The following MARCHF1 variants were observed in gnomAD, a reference collection of about 807,000 sequenced individuals.
MARCHF1 encodes E3 ubiquitin-protein ligase MARCHF1.
In MARCHF1, 40 loss-of-function variants were observed where a neutral mutation model predicts 54.2. That is an observed-to-expected ratio of 0.74 (90% confidence interval 0.57 to 0.96). MARCHF1 has a LOEUF of 0.96. Ranked by LOEUF, MARCHF1 falls within the 40% of genes least tolerant of loss-of-function variation. The pLI, the probability that MARCHF1 is intolerant of heterozygous loss-of-function variation, is 0.00. For synonymous variants in MARCHF1, 236 were observed against 236.3 expected (o/e 1.00, Z 0.01); for missense variants, 586 against 656.5 (o/e 0.89, Z 1.17).
intron 4 of MARCHF1, among the ~76,000 whole-genome samples, chr4:163,742,620 G>A (rs1271249022): frequency 6.6e-6 from 1 of 151,184 alleles, no homozygotes; most frequent in Non-Finnish European, 1.5e-5. Context: ...TGGACCACAG[G>A]TGCACACCAC....
chr4:163,549,274 G>T (rs1739018572), intron 8 of MARCHF1, among the ~76,000 whole-genome samples: 1 of 152,024 alleles, frequency 6.6e-6, no homozygotes. Context: ...CCTTGTCAGT[G>T]ATGAAGTAAA....
chr4:163,974,539 A>T (rs530539317), intron 3 of MARCHF1, among the ~76,000 whole-genome samples: 1 of 152,338 alleles, frequency 6.6e-6, no homozygotes, highest in South Asian at 2.1e-4. Flanking sequence ...TGGAATAGTG[A>T]AAAACCATAC....
chr4:164,307,536 C>T (rs576433017), intron 1 of MARCHF1, among the ~76,000 whole-genome samples: 1 of 152,330 alleles, frequency 6.6e-6, no homozygotes, highest in African/African-American at 2.4e-5. Flanking sequence ...CAGCTTACCT[C>T]TCACACCCCA....
chr4:163,592,073 G>T (rs1027350148), intron 7 of MARCHF1, among the ~76,000 whole-genome samples: 2 of 152,040 alleles, frequency 1.3e-5, no homozygotes, highest in Non-Finnish European at 2.9e-5. Flanking sequence ...TAACAGAAAC[G>T]AAGATAAATA....
At chr4:163,627,971 A>G (rs75350836) in intron 5 of MARCHF1, among the ~76,000 whole-genome samples, 3,652 of 152,240 alleles carry the variant, frequency 0.024, 134 homozygotes, top group African/African-American at 0.082. Flanking sequence ...AGCTAAAACT[A>G]AAAAACTCCT....
At chr4:164,199,632 TCACACACACACACACACACA>T (rs376565727) in intron 1 of MARCHF1, among the ~76,000 whole-genome samples, 17 of 114,850 alleles carry the variant, frequency 1.5e-4, no homozygotes, top group African/African-American at 4.1e-4. Context: ...CAGGACTCTG[TCACACACACACACACACACA>T]CACACACACA....
At chr4:163,722,335 C>T (rs545162555) in intron 4 of MARCHF1, among the ~76,000 whole-genome samples, 15 of 152,142 alleles carry the variant, frequency 9.9e-5, no homozygotes, top group African/African-American at 2.4e-4. Flanking sequence ...TGTAGTTGAG[C>T]GGTTTTGAGT....
intron 2 of MARCHF1, among the ~76,000 whole-genome samples, chr4:163,992,835 G>T (rs1020497626): frequency 1.3e-5 from 2 of 150,352 alleles, no homozygotes; most frequent in Non-Finnish European, 3.0e-5. Context: ...ACAAGACAGA[G>T]AAGTAATAAA....
chr4:163,935,840 C>A (rs1207251949), intron 3 of MARCHF1, among the ~76,000 whole-genome samples: 5 of 151,232 alleles, frequency 3.3e-5, no homozygotes, highest in Non-Finnish European at 7.4e-5. Flanking sequence ...TGGAGTAGAA[C>A]TTTAATTTCC....
At chr4:164,301,183 G>C (rs1285914555) in intron 1 of MARCHF1, among the ~76,000 whole-genome samples, 5 of 152,100 alleles carry the variant, frequency 3.3e-5, no homozygotes, top group African/African-American at 1.2e-4. Context: ...CCATGACTAT[G>C]TGAAAAAATT....
intron 2 of MARCHF1, among the ~76,000 whole-genome samples, chr4:164,073,524 A>G (rs953410774): frequency 1.3e-5 from 2 of 152,134 alleles, no homozygotes; most frequent in Non-Finnish European, 2.9e-5. Context: ...GAGGGATAGC[A>G]TTAAGAGAAA....
intron 4 of MARCHF1, among the ~76,000 whole-genome samples, chr4:163,847,377 T>C (rs1234963878): frequency 6.6e-6 from 1 of 152,076 alleles, no homozygotes; most frequent in East Asian, 1.9e-4. Context: ...AGCTGAAAAT[T>C]TGACTTGCAA....
intron 1 of MARCHF1, among the ~76,000 whole-genome samples, chr4:164,199,663 CACACACACACACACACACAGAGAGAG>C (rs773345535): frequency 1.3e-3 from 110 of 85,052 alleles, no homozygotes; most frequent in Middle Eastern, 9.1e-3. Context: ...CACACACACA[CACACACACACACACACACAGAGAGAG>C]AGAGAGAGAG....
chr4:163,954,083 C>T (rs1005863298), intron 3 of MARCHF1, among the ~76,000 whole-genome samples: 6 of 152,012 alleles, frequency 3.9e-5, no homozygotes, highest in Non-Finnish European at 8.8e-5. Context: ...ACAGTAAGCT[C>T]AGAATAGACA....
At chr4:163,715,595 T>G (rs1745232240) in intron 4 of MARCHF1, among the ~76,000 whole-genome samples, 1 of 152,204 alleles carries the variant, frequency 6.6e-6, no homozygotes, top group Non-Finnish European at 1.5e-5. Flanking sequence ...ACCACCCAGA[T>G]GCAAAAATCT....
At chr4:164,253,132 A>T (rs1209094821) in intron 1 of MARCHF1, among the ~76,000 whole-genome samples, 1 of 152,208 alleles carries the variant, frequency 6.6e-6, no homozygotes, top group African/African-American at 2.4e-5. Flanking sequence ...AATAGAAATG[A>T]TAGATTACCC....
In MARCHF1 at chr4:164,199,691, G is replaced by C. The variant is rs1477472410; in HGVS notation, c.-322-88029C>G. The stretch of plus-strand genomic sequence containing the variant: ...ACACACACACACACACAGAGAGAGA[G>C]AGAGAGAGAGAGAGAGAGAGAAGAG... On this transcript the variant is annotated intron_variant, in intron 1 of 9. Transcript: ENST00000514618. Among the ~76,000 whole-genome samples, 620 of 139,994 alleles carry C rather than the reference G, an allele frequency of 4.4e-3. 7 individuals are homozygous for C. Among genetic ancestry groups the C allele is most frequent in the African/African-American group, 0.015 (565 of 37,962 alleles). 91.8% of individuals were successfully genotyped at this position (139,994 alleles called of 152,430 possible).
rs565367517 is a variant in MARCHF1 at position 163,997,514 on chromosome 4, G to A, written c.-247-8805C>T. Reference sequence around the variant, plus strand: ...TGGGAGATATACAACTACTTACTGGGACAATTAATAAATTAATTCAAAAAT... The same window carrying A: ...TGGGAGATATACAACTACTTACTGGAACAATTAATAAATTAATTCAAAAAT... On this transcript the variant is annotated intron_variant, in intron 2 of 9. Coordinates refer to ENST00000514618, the MANE Select transcript of MARCHF1 (RefSeq NM_001394959.1). Among the ~76,000 whole-genome samples the A allele has an allele frequency of 7.2e-5, 11 of 152,040 alleles. No homozygotes were observed. The South Asian group carries it at 2.3e-3, about 32-fold the overall frequency.
chr4:163,643,366 G>T (rs1742633911), intron 5 of MARCHF1, among the ~76,000 whole-genome samples: 5 of 80,314 alleles, frequency 6.2e-5, no homozygotes, highest in Middle Eastern at 7.5e-3. Flanking sequence ...ATAAATTCAG[G>T]GTCTTGCTGT....
Sources: gnomAD v4.1 joint callset for allele counts (sites outside exome capture counted in the v4.1 genomes callset) on GRCh38, gnomAD v4.1.1 for gene constraint, MANE v1.5 for transcripts, NCBI Gene and HGNC (gene_info 2026-07-23, HGNC 2026-07-21) for gene names.